The following SH3BGRL2 variants were observed in gnomAD, a reference collection of about 807,000 sequenced individuals.
The protein encoded by SH3BGRL2 is SH3 domain-binding glutamic acid-rich-like protein 2.
SH3BGRL2 carries 21 observed loss-of-function variants against 14.8 expected under a neutral mutation model. The ratio of observed to expected loss-of-function variants is 1.42; its 90% CI spans 1.01 to 2.05. The LOEUF (loss-of-function observed/expected upper bound fraction) is 2.05, where lower values mean the gene tolerates loss of function less well. Ranked by LOEUF, SH3BGRL2 falls within the 30% of genes most tolerant of loss-of-function variation. The pLI is 0.00. For synonymous variants in SH3BGRL2, 50 were observed against 47.8 expected, an observed-to-expected ratio of 1.05 and a Z score of -0.19; for missense variants, 147 against 130.8, an observed-to-expected ratio of 1.12 and a Z score of -0.61.
the SH3BGRL2 span, among the ~76,000 whole-genome samples, chr6:79,619,121 C>CTATA: frequency 6.6e-6 from 1 of 151,856 alleles, no homozygotes; most frequent in Admixed American, 6.6e-5. Flanking sequence ...AAATTCAAAA[C>CTATA]TATATAAAAA....
At chr6:79,679,112 C>G (rs537381856) in intron 2 of SH3BGRL2, among the ~76,000 whole-genome samples, 1 of 152,068 alleles carries the variant, frequency 6.6e-6, no homozygotes, top group Admixed American at 6.6e-5. Flanking sequence ...GTATAATGAT[C>G]CATTTTCTTT....
the SH3BGRL2 span, among the ~76,000 whole-genome samples, chr6:79,600,390 A>C: frequency 2.6e-5 from 4 of 152,212 alleles, no homozygotes; most frequent in Non-Finnish European, 5.9e-5. Flanking sequence ...CTTAGCCGTG[A>C]GCCCAGATTC....
chr6:79,630,519 T>G (rs1768801310), upstream of SH3BGRL2, among the ~76,000 whole-genome samples: 1 of 152,092 alleles, frequency 6.6e-6, no homozygotes, highest in Non-Finnish European at 1.5e-5. Flanking sequence ...AGCATCCTCC[T>G]GGGAAACTGC....
the SH3BGRL2 span, among the ~76,000 whole-genome samples, chr6:79,544,029 C>T: frequency 1.3e-5 from 2 of 152,128 alleles, no homozygotes; most frequent in African/African-American, 4.8e-5. Context: ...CCATAAGTGG[C>T]CCCCAAGAAT....
At chr6:79,577,280 A>AT in the SH3BGRL2 span, among the ~76,000 whole-genome samples, 9 of 152,270 alleles carry the variant, frequency 5.9e-5, no homozygotes, top group East Asian at 1.7e-3. Context: ...CTGCAGCCTT[A>AT]TAGTAAGCCT....
chr6:79,542,955 C>T, the SH3BGRL2 span, among the ~76,000 whole-genome samples: 6 of 152,166 alleles, frequency 3.9e-5, no homozygotes, highest in African/African-American at 1.4e-4. Flanking sequence ...GGTGACCACA[C>T]AAGAATTAAA....
chr6:79,604,832 T>C, the SH3BGRL2 span, among the ~76,000 whole-genome samples: 2 of 152,156 alleles, frequency 1.3e-5, no homozygotes, highest in South Asian at 4.1e-4. Context: ...ACCCTGGACT[T>C]TGAGCAGATG....
At chr6:79,654,564 G>GGTTT (rs1463874975) in intron 1 of SH3BGRL2, among the ~76,000 whole-genome samples, 1 of 152,082 alleles carries the variant, frequency 6.6e-6, no homozygotes, top group African/African-American at 2.4e-5. Context: ...GATTTTGTTG[G>GGTTT]GTTTGCTAAG....
the SH3BGRL2 span, among the ~76,000 whole-genome samples, chr6:79,538,023 T>G: frequency 9.1e-5 from 6 of 65,854 alleles, no homozygotes; most frequent in Non-Finnish European, 1.7e-4. Context: ...CACAAGTTTT[T>G]TTTTTTTTTT....
chr6:79,611,751 A>G, the SH3BGRL2 span, among the ~76,000 whole-genome samples: 1 of 152,174 alleles, frequency 6.6e-6, no homozygotes, highest in Non-Finnish European at 1.5e-5. Context: ...GAAAATTTTC[A>G]GTCATAGACT....
intron 1 of SH3BGRL2, among the ~76,000 whole-genome samples, chr6:79,652,867 T>C (rs1270558623): frequency 1.3e-5 from 2 of 152,196 alleles, no homozygotes; most frequent in South Asian, 4.1e-4. Flanking sequence ...CTAAGACTTA[T>C]GGTATAATAA....
chr6:79,581,252 C>T, the SH3BGRL2 span, among the ~76,000 whole-genome samples: 14,751 of 152,156 alleles, frequency 0.097, 828 homozygotes, highest in Non-Finnish European at 0.12. Context: ...CGATTCCAAT[C>T]AACAGAAAAA....
chr6:79,566,480 C>T, the SH3BGRL2 span, among the ~76,000 whole-genome samples: 10 of 152,052 alleles, frequency 6.6e-5, no homozygotes, highest in East Asian at 1.9e-4. Context: ...TTGTCCCAAA[C>T]GTAATAGGTC....
the SH3BGRL2 span, among the ~76,000 whole-genome samples, chr6:79,572,075 C>T: frequency 6.6e-6 from 1 of 152,160 alleles, no homozygotes; most frequent in Non-Finnish European, 1.5e-5. Flanking sequence ...ATTACCTAAA[C>T]CACAAACTTT....
At chr6:79,665,297 A>G (rs979724541) in intron 1 of SH3BGRL2, among the ~76,000 whole-genome samples, 5 of 152,244 alleles carry the variant, frequency 3.3e-5, no homozygotes, top group African/African-American at 1.2e-4. Context: ...ATACATTAGC[A>G]TAAGTACTCA....
intron 1 of SH3BGRL2, among the ~76,000 whole-genome samples, chr6:79,668,184 C>G (rs746602255): frequency 2.6e-5 from 4 of 152,058 alleles, no homozygotes; most frequent in Non-Finnish European, 5.9e-5. Flanking sequence ...AACTGGGATC[C>G]TCCCGGGAAA....
chr6:79,591,237 T>C, the SH3BGRL2 span, among the ~76,000 whole-genome samples: 1 of 152,208 alleles, frequency 6.6e-6, no homozygotes, highest in African/African-American at 2.4e-5. Flanking sequence ...GAGTATTTTA[T>C]AATAGTCAAA....
At chr6:79,602,513 G>A in the SH3BGRL2 span, among the ~76,000 whole-genome samples, 1 of 152,158 alleles carries the variant, frequency 6.6e-6, no homozygotes, top group Non-Finnish European at 1.5e-5. Context: ...ATGTTACAGA[G>A]GGGCAAATTG....
At chr6:79,673,906 A>G (rs546115088) in intron 2 of SH3BGRL2, 107 bp downstream of exon 2, 7 of 1,123,364 alleles carry the variant, frequency 6.2e-6, no homozygotes, top group South Asian at 3.0e-5. Context: ...TCTTCACCCA[A>G]TGCCCATTCA....
Sources: gnomAD v4.1 joint callset for allele counts (sites outside exome capture counted in the v4.1 genomes callset) on GRCh38, gnomAD v4.1.1 for gene constraint, MANE v1.5 for transcripts, NCBI Gene and HGNC (gene_info 2026-07-23, HGNC 2026-07-21) for gene names.